SET: variants seen among roughly 807,000 people sequenced by gnomAD.
SET encodes the protein SET nuclear proto-oncogene.
Under a neutral mutation model 39.0 loss-of-function variants are expected in SET, and 4 were observed. The observed-to-expected ratio is 0.10, with a 90% confidence interval of 0.05 to 0.23. The LOEUF is 0.23. Among genes scored for constraint, SET ranks in the 10% least tolerant of loss-of-function variants. The pLI is 1.00. For missense variants in SET, 137 were observed against 329.7 expected, an observed-to-expected ratio of 0.42 and a Z score of 4.53; for synonymous variants, 114 against 115.9, an observed-to-expected ratio of 0.98 and a Z score of 0.11.
Position 128,691,790 on chromosome 9 carries a change from G to C in SET, c.132-68G>C, listed in dbSNP as rs556885122. On this transcript the variant is annotated intron_variant, in intron 2 of 7. Transcript: ENST00000322030. ...TCAAGCTAGTAAGTAAATACACTCT[G>C]TAATCTCAACCAATTTTTTAATTTG... 1,305 of 1,469,818 alleles carry C rather than the reference G, an allele frequency of 8.9e-4. 14 individuals carry two copies. The South Asian group carries it at 0.016, about 18-fold the overall frequency. 91.0% of individuals were successfully genotyped at this position (1,469,818 alleles called of 1,614,324 possible).
At position 128,689,396 on chromosome 9, in the gene SET, G is replaced by C. The variant is rs1464467869; in HGVS notation, c.-187G>C. On this transcript the variant is annotated 5_prime_UTR_variant, in exon 1 of 8. Coordinates refer to ENST00000322030, the MANE Select transcript of SET (RefSeq NM_003011.4). ...GGCACGCCGCCCCAGCCCGTCCCTC[G>C]GCGTCAGGCCGCGAGGGTAGCGCGC... 2 of 928,822 alleles carry C rather than the reference G, an allele frequency of 2.2e-6. No homozygotes were observed. Among genetic ancestry groups the C allele is most frequent in the Non-Finnish European group, 2.7e-6 (2 of 748,440 alleles). 57.5% of individuals were successfully genotyped at this position (928,822 alleles called of 1,614,324 possible).
In SET at chr9:128,694,734, CTTTT is replaced by C. The variant is rs35778650; in HGVS notation, c.*91_*94del. 7,686 of 299,064 alleles carry C rather than the reference CTTTT, an allele frequency of 0.026. No individual in the cohort carries two copies. The highest frequency in any genetic ancestry group is 0.03 in the Middle Eastern group (35 of 1,150). 18.5% of individuals were successfully genotyped at this position (299,064 alleles called of 1,614,324 possible). A position where few individuals can be genotyped will look rare whatever the true frequency, so the allele number is the denominator to read the frequency against. ...CCAGTCCCTGGGAGCAAGTTGCAGT[CTTTT>C]TTTTTTTTTTTTTTTTTTTTCCCTC... On this transcript the variant is annotated 3_prime_UTR_variant, in exon 8 of 8. Transcript: ENST00000322030.
chr9:128,688,966 C>G (rs534978457), upstream of SET, among the ~76,000 whole-genome samples: 2 of 151,678 alleles, frequency 1.3e-5, no homozygotes, highest in Non-Finnish European at 2.9e-5. Flanking sequence ...CCGTGCGACG[C>G]CCCGCCCACC....
At chr9:128,688,442 G>A (rs1344657236), upstream of SET, among the ~76,000 whole-genome samples, 3 of 152,142 alleles carry the variant, frequency 2.0e-5, no homozygotes, top group Non-Finnish European at 4.4e-5. Flanking sequence ...GCTGTTGTGA[G>A]GCCTCGGTGA....
At chr9:128,683,670 G>A (rs1401402335) in exon 1 of SET, 6 of 462,556 alleles carry the variant, frequency 1.3e-5, no homozygotes, top group East Asian at 7.3e-5. Flanking sequence ...CCTGCAGAGC[G>A]AGGCAGAGAG....
chr9:128,692,135 C>G, intron 3 of SET, 135 bp downstream of exon 3: 3 of 1,071,048 alleles, frequency 2.8e-6, no homozygotes, highest in Non-Finnish European at 2.7e-6. Flanking sequence ...ACCTGTAATC[C>G]CAGCACTTTG....
chr9:128,689,495 T>G lies in SET; in HGVS notation c.-88T>G, dbSNP rs1162876934. ...GCCGGACCGAGCGGGCGCCCGCGCG[T>G]GTGGCGTGAGGGGAAGCCGCTTGCC... On this transcript the variant is annotated 5_prime_UTR_variant, in exon 1 of 8. Coordinates refer to ENST00000322030, the MANE Select transcript of SET (RefSeq NM_003011.4). 2.3e-5 allele frequency: 15 copies of G among 662,288 alleles called. No homozygotes were observed. In the East Asian group the frequency reaches 6.3e-4, roughly 28 times the overall value. 41.0% of individuals were successfully genotyped at this position (662,288 alleles called of 1,614,324 possible).
chr9:128,693,887 T>G lies in SET; in HGVS notation c.664-9T>G, dbSNP rs1371420061. ...ATGAGTCCTTATATTGTGCTTTTTTTTTTTTAAGGTTCCCGATATGGATGA... is the reference window on the plus strand; with the variant it reads ...ATGAGTCCTTATATTGTGCTTTTTTGTTTTTAAGGTTCCCGATATGGATGA... On this transcript the variant is annotated splice_polypyrimidine_tract_variant and intron_variant, in intron 6 of 7. Coordinates refer to ENST00000322030, the MANE Select transcript of SET (RefSeq NM_003011.4). 6.3e-7 allele frequency: 1 copy of G among 1,597,638 alleles called. No homozygotes were observed. The highest frequency in any genetic ancestry group is 8.5e-7 in the Non-Finnish European group (1 of 1,175,302).
chr9:128,694,576 G>A, intron 7 of SET, 65 bp from the exon 8 acceptor site: 1 of 1,147,146 alleles, frequency 8.7e-7, no homozygotes, highest in South Asian at 1.4e-5. Context: ...GGGGTCCATT[G>A]TGGTCCATAT....
upstream of SET, among the ~76,000 whole-genome samples, chr9:128,689,050 G>T (rs1290367448): frequency 1.3e-5 from 2 of 150,346 alleles, no homozygotes; most frequent in Admixed American, 6.6e-5. Context: ...CGCGGGGGGC[G>T]GCCGTGCGTC....
At position 128,692,697 on chromosome 9, in the gene SET, C is replaced by T; in HGVS notation, c.310C>T (p.Leu104=). The T allele has an allele frequency of 1.9e-6, 3 of 1,612,266 alleles. No individual in the cohort carries two copies. The highest frequency in any genetic ancestry group is 2.5e-6 in the Non-Finnish European group (3 of 1,179,444). The change falls in exon 4 of 8, where the codon CTG becomes TTG. Residue 104 remains leucine, a synonymous_variant. Coordinates refer to ENST00000322030, the MANE Select transcript of SET (RefSeq NM_003011.4). ...GCTTGGGGAGGAAGATGAAGAGGCA[C>T]TGCATTATTTGACCAGAGTTGAAGT... ...ALLGEEDEEA[L]HYLTRVEVTE...
upstream of SET, chr9:128,685,200 AC>A: frequency 6.2e-7 from 1 of 1,600,594 alleles, no homozygotes; most frequent in South Asian, 1.1e-5. Flanking sequence ...CCAGCTTGAA[AC>A]CTACCTTGCT....
chr9:128,695,809 G>A lies in SET; in HGVS notation c.*1145G>A, dbSNP rs1657711148. On this transcript the variant is annotated 3_prime_UTR_variant, in exon 8 of 8. Coordinates refer to ENST00000322030, the MANE Select transcript of SET (RefSeq NM_003011.4). Reference sequence around the variant, plus strand: ...TAGCTCAATACTCTCTGAGTACATTGTGCCCTTGATTTTTATCTCCAAGTG... The same window carrying A: ...TAGCTCAATACTCTCTGAGTACATTATGCCCTTGATTTTTATCTCCAAGTG... 1 of 228,120 alleles carries A rather than the reference G, an allele frequency of 4.4e-6. No individual in the cohort carries two copies. The highest frequency in any genetic ancestry group is 2.2e-5 in the African/African-American group (1 of 45,154). 14.1% of individuals were successfully genotyped at this position (228,120 alleles called of 1,614,324 possible). A position where few individuals can be genotyped will look rare whatever the true frequency, so the allele number is the denominator to read the frequency against.
chr9:128,693,564 C>T (rs1861620957), intron 5 of SET, 74 bp from the exon 6 acceptor site: 1 of 1,437,116 alleles, frequency 7.0e-7, no homozygotes, highest in Admixed American at 2.8e-5. Flanking sequence ...TGGGGAAAAT[C>T]TTATTTTTTA....
chr9:128,691,122 A>G (rs370609770), intron 1 of SET, 48 bp from the exon 2 acceptor site: 59 of 1,438,040 alleles, frequency 4.1e-5, no homozygotes, highest in Non-Finnish European at 5.6e-5. Flanking sequence ...CATCTGGAAA[A>G]CTAGGTAAAT....
intron 5 of SET, 81 bp from the exon 6 acceptor site, chr9:128,693,557 G>A: frequency 7.1e-7 from 1 of 1,414,128 alleles, no homozygotes; most frequent in African/African-American, 1.4e-5. Flanking sequence ...TAGCTTTTGG[G>A]GAAAATCTTA....
chr9:128,688,982 G>A (rs1418372910), upstream of SET, among the ~76,000 whole-genome samples: 1 of 151,528 alleles, frequency 6.6e-6, no homozygotes, highest in Admixed American at 6.6e-5. Flanking sequence ...CCACCGGCCT[G>A]CCGCGCGCCA....
intron 7 of SET, 109 bp downstream of exon 7, chr9:128,694,151 T>TG (rs1025470453): frequency 3.9e-6 from 4 of 1,038,660 alleles, no homozygotes; most frequent in Admixed American, 6.9e-5. Flanking sequence ...GAACTGATTG[T>TG]GGAAAAAAAG....
In SET at chr9:128,692,796, A is replaced by G. The variant is rs1036508547; in HGVS notation, c.378+31A>G. 9.1e-6 allele frequency: 14 copies of G among 1,542,920 alleles called. No individual in the cohort carries two copies. The African/African-American group carries it at 1.6e-4, about 18-fold the overall frequency. On this transcript the variant is annotated intron_variant, in intron 4 of 7. Transcript: ENST00000322030. ...TATCTCTAACTTAATCTTGTTTGCCACTGTGGAAATTAATGTGAGCTTTGG... is the reference window on the plus strand; with the variant it reads ...TATCTCTAACTTAATCTTGTTTGCCGCTGTGGAAATTAATGTGAGCTTTGG...
Sources: gnomAD v4.1 joint callset for allele counts (sites outside exome capture counted in the v4.1 genomes callset) on GRCh38, gnomAD v4.1.1 for gene constraint, MANE v1.5 for transcripts, NCBI Gene and HGNC (gene_info 2026-07-23, HGNC 2026-07-21) for gene names.